The following RNF150 variants were observed in gnomAD, a reference collection of about 807,000 sequenced individuals.
The protein encoded by RNF150 is ring finger protein 150.
RNF150 carries 24 observed loss-of-function variants against 39.3 expected under a neutral mutation model. The ratio of observed to expected loss-of-function variants is 0.61; its 90% CI spans 0.44 to 0.86. The LOEUF is 0.86. Ranked by LOEUF, RNF150 falls within the 40% of genes least tolerant of loss-of-function variation. The pLI is 0.00. For missense variants in RNF150, 502 were observed against 587.8 expected, an observed-to-expected ratio of 0.85 and a Z score of 1.51; for synonymous variants, 255 against 227.3, an observed-to-expected ratio of 1.12 and a Z score of -1.10.
rs564120197 is a variant in RNF150, at chr4:141,047,921, A to C, written c.485-80048T>G. Among the ~76,000 whole-genome samples the C allele has an allele frequency of 2.6e-5, 4 of 152,338 alleles. No homozygotes were observed. In the South Asian group the frequency reaches 8.3e-4, roughly 32 times the overall value. On this transcript the variant is annotated intron_variant, in intron 1 of 6. Coordinates refer to ENST00000515673, the MANE Select transcript of RNF150 (RefSeq NM_020724.2). Reference sequence around the variant, plus strand: ...GCAATGAAGAATTACCCAGGCAGCCACCTACCAGTAGTGATACAGCAATTA... The same window carrying C: ...GCAATGAAGAATTACCCAGGCAGCCCCCTACCAGTAGTGATACAGCAATTA...
chr4:140,962,238 C>T (rs1264099795), intron 2 of RNF150, among the ~76,000 whole-genome samples: 2 of 151,828 alleles, frequency 1.3e-5, no homozygotes, highest in African/African-American at 4.8e-5. Flanking sequence ...TTTCTTCAGT[C>T]TAGAGCTGTG....
At chr4:140,970,475 C>CCT (rs1560993289) in intron 1 of RNF150, among the ~76,000 whole-genome samples, 4 of 138,298 alleles carry the variant, frequency 2.9e-5, no homozygotes, top group Non-Finnish European at 4.6e-5. Flanking sequence ...TCCCCCTCCC[C>CCT]ACCCATACAA....
intron 6 of RNF150, among the ~76,000 whole-genome samples, chr4:140,874,045 G>C (rs1729053162): frequency 6.9e-6 from 1 of 145,730 alleles, no homozygotes; most frequent in African/African-American, 2.4e-5. Flanking sequence ...TTAATTCTGA[G>C]TAAAATCCAT....
chr4:141,045,147 T>C (rs543287321), intron 1 of RNF150, among the ~76,000 whole-genome samples: 1 of 152,310 alleles, frequency 6.6e-6, no homozygotes, highest in South Asian at 2.1e-4. Flanking sequence ...CAAAGTCATG[T>C]TCTGAACCAT....
At chr4:141,193,850 C>T (rs1314132310) in intron 1 of RNF150, among the ~76,000 whole-genome samples, 1 of 152,212 alleles carries the variant, frequency 6.6e-6, no homozygotes, top group Non-Finnish European at 1.5e-5. Context: ...TAAGCACAAG[C>T]TGGCTATCCA....
At chr4:141,170,884 C>T (rs1271617967) in intron 1 of RNF150, among the ~76,000 whole-genome samples, 2 of 152,124 alleles carry the variant, frequency 1.3e-5, no homozygotes, top group African/African-American at 4.8e-5. Flanking sequence ...TGACTACTTC[C>T]ACCTGGTTGC....
intron 1 of RNF150, among the ~76,000 whole-genome samples, chr4:141,188,862 CT>C (rs574719354): frequency 9.1e-4 from 139 of 152,330 alleles, no homozygotes; most frequent in African/African-American, 3.2e-3. Flanking sequence ...TACCCACCTT[CT>C]TGAAGCCAAC....
At chr4:140,913,387 G>A (rs1730693629) in intron 5 of RNF150, among the ~76,000 whole-genome samples, 7 of 152,096 alleles carry the variant, frequency 4.6e-5, no homozygotes, top group Admixed American at 4.6e-4. Context: ...CTACTTTTCT[G>A]GCCTCACCTT....
intron 1 of RNF150, among the ~76,000 whole-genome samples, chr4:141,203,328 T>C (rs946349998): frequency 2.0e-5 from 3 of 150,366 alleles, no homozygotes; most frequent in South Asian, 2.1e-4. Flanking sequence ...TTGGAGATGA[T>C]ATATATATAT....
At chr4:140,990,136 G>T (rs1351356176) in intron 1 of RNF150, among the ~76,000 whole-genome samples, 1 of 152,136 alleles carries the variant, frequency 6.6e-6, no homozygotes, top group Non-Finnish European at 1.5e-5. Flanking sequence ...CCCACAGACT[G>T]CATTCTGCAA....
rs1454435465 is a variant in RNF150 at position 141,057,250 on chromosome 4, A to AT, written c.484+75074_484+75075insA. ...AATAAATGTTAATTCTTATTTTTTA[A>AT]AATTATATTTATGTAATAGGTTATA... is the stretch of plus-strand genomic sequence containing the variant. On this transcript the variant is annotated intron_variant, in intron 1 of 6. Transcript: ENST00000515673. Among the ~76,000 whole-genome samples the AT allele has an allele frequency of 2.6e-5, 4 of 152,028 alleles. No individual in the cohort carries two copies. In the East Asian group the frequency reaches 7.7e-4, roughly 29 times the overall value.
chr4:140,908,407 T>G (rs561145656), intron 6 of RNF150, among the ~76,000 whole-genome samples: 12 of 152,222 alleles, frequency 7.9e-5, no homozygotes, highest in African/African-American at 2.6e-4. Flanking sequence ...GGAAAAATAT[T>G]TCGTGAGAAA....
At chr4:140,907,778 C>G (rs1013483290) in intron 6 of RNF150, among the ~76,000 whole-genome samples, 1 of 152,194 alleles carries the variant, frequency 6.6e-6, no homozygotes, top group Admixed American at 6.5e-5. Context: ...CTGTCACTTA[C>G]AACCTTGGAT....
At position 140,919,653 on chromosome 4, in the gene RNF150, C is replaced by T. The variant is rs547568482; in HGVS notation, c.987+6324G>A. ...TTCAATGCCATCCCCATCAAGCTACCAATGACTTTCTTCACAGAACTGGAA... is the reference window on the plus strand; with the variant it reads ...TTCAATGCCATCCCCATCAAGCTACTAATGACTTTCTTCACAGAACTGGAA... On this transcript the variant is annotated intron_variant, in intron 5 of 6. Coordinates refer to ENST00000515673, the MANE Select transcript of RNF150 (RefSeq NM_020724.2). 8.4e-3 allele frequency among the ~76,000 whole-genome samples: 1,266 copies of T among 150,498 alleles called. 26 individuals carry two copies. Among genetic ancestry groups the T allele is most frequent in the African/African-American group, 0.028 (1,154 of 40,944 alleles).
chr4:141,008,186 A>C (rs567317163), intron 1 of RNF150, among the ~76,000 whole-genome samples: 1 of 152,322 alleles, frequency 6.6e-6, no homozygotes, highest in East Asian at 1.9e-4. Context: ...TTCAATGTAT[A>C]CTTGAAAATT....
At chr4:141,165,050 C>T (rs1251464186) in intron 1 of RNF150, among the ~76,000 whole-genome samples, 2 of 152,092 alleles carry the variant, frequency 1.3e-5, no homozygotes, top group Non-Finnish European at 2.9e-5. Context: ...ATTCAGGAGA[C>T]CCGTCTCACA....
At position 140,864,543 on chromosome 4, in the gene RNF150, A is replaced by G. The variant is rs1274457197; in HGVS notation, c.*3718T>C. ...GAGACCGGATGATCACAGGCCCCCA[A>G]AGATTCTTTTTCAAGAAGGCCACAT... On this transcript the variant is annotated 3_prime_UTR_variant, in exon 7 of 7. Transcript: ENST00000515673. The G allele has an allele frequency of 6.6e-6, 1 of 152,154 alleles. No individual in the cohort carries two copies. The highest frequency in any genetic ancestry group is 2.4e-5 in the African/African-American group (1 of 41,444). 9.4% of individuals were successfully genotyped at this position (152,154 alleles called of 1,614,324 possible). A position where few individuals can be genotyped will look rare whatever the true frequency, so the allele number is the denominator to read the frequency against.
chr4:140,935,009 AT>A (rs1731786837), intron 4 of RNF150, among the ~76,000 whole-genome samples: 2 of 92,386 alleles, frequency 2.2e-5, no homozygotes, highest in African/African-American at 4.1e-5. Context: ...ATATATATAA[AT>A]ATATATATAT....
At chr4:140,949,396 T>C in intron 2 of RNF150, 24 bp from the exon 3 acceptor site, 1 of 1,604,040 alleles carries the variant, frequency 6.2e-7, no homozygotes, top group South Asian at 1.1e-5. Flanking sequence ...ACGTGCTTGT[T>C]AATAATAAAG....
Sources: allele counts gnomAD v4.1 joint callset (sites outside exome capture counted in the v4.1 genomes callset), GRCh38; gene constraint gnomAD v4.1.1; transcripts MANE v1.5; gene names NCBI Gene and HGNC (gene_info 2026-07-23, HGNC 2026-07-21).